LILRB4: variants seen among roughly 807,000 people sequenced by gnomAD.
LILRB4 encodes the protein leukocyte immunoglobulin-like receptor subfamily B member 4.
A neutral mutation model predicts 55.2 loss-of-function variants in LILRB4; 49 were observed. The observed-to-expected ratio is 0.89, with a 90% CI of 0.71 to 1.13. LILRB4 has a LOEUF of 1.13. Among genes scored for constraint, LILRB4 ranks in the 50% most tolerant of loss-of-function variants. The pLI is 0.00. For synonymous variants in LILRB4, 229 were observed against 213.8 expected, an observed-to-expected ratio of 1.07 and a Z score of -0.62; for missense variants, 590 against 555.2, an observed-to-expected ratio of 1.06 and a Z score of -0.63.
intron 1 of LILRB4, 30 bp from the exon 2 acceptor site, chr19:54,663,502 G>C: frequency 6.2e-7 from 1 of 1,611,198 alleles, no homozygotes; most frequent in Non-Finnish European, 8.5e-7. Flanking sequence ...GGCTTCCGGG[G>C]CAAATCCCTC....
Position 54,663,082 on chromosome 19 carries a change from G to A in LILRB4, c.34+15G>A, listed in dbSNP as rs780765308. 6 of 1,606,598 alleles carry A rather than the reference G, an allele frequency of 3.7e-6. No individual in the cohort carries two copies. Among genetic ancestry groups the A allele is most frequent in the African/African-American group, 2.7e-5 (2 of 74,650 alleles). ...GCTCTGCCTCGGTGAGATTTAAAGAGGGGGAGGGGAGACCCGAGTCTTGGA... is the reference window on the plus strand; with the variant it reads ...GCTCTGCCTCGGTGAGATTTAAAGAAGGGGAGGGGAGACCCGAGTCTTGGA... On this transcript the variant is annotated intron_variant, in intron 1 of 11. Transcript: ENST00000430952.
chr19:54,664,787 C>G lies in LILRB4; in HGVS notation c.656-12C>G. On this transcript the variant is annotated splice_polypyrimidine_tract_variant and intron_variant, in intron 4 of 11. Coordinates refer to ENST00000430952, the Ensembl canonical transcript of LILRB4. ...CCCCAGACTCTCACCCTCCTCTTGT[C>G]CTTCTACCCAGGATCCTTGGAGGGT... 1 of 1,566,296 alleles carries G rather than the reference C, an allele frequency of 6.4e-7. No homozygotes were observed. Among genetic ancestry groups the G allele is most frequent in the Non-Finnish European group, 8.7e-7 (1 of 1,155,606 alleles).
chr19:54,667,098 G>C (rs145490926), intron 10 of LILRB4: 34,181 of 525,178 alleles, frequency 0.065, 143 homozygotes, highest in African/African-American at 0.24. Context: ...CACTGTGGAT[G>C]GGGCTCCCCA....
chr19:54,664,417 T>A (rs1213967139), exon 4 of LILRB4: 3 of 1,608,616 alleles, frequency 1.9e-6, no homozygotes, highest in African/African-American at 1.3e-5. Context: ...TACAGGTGCT[T>A]CAGCTCACAC....
In LILRB4 at chr19:54,665,010, C is replaced by T. The variant is rs1568643161; in HGVS notation, c.707-120C>T. 2.1e-6 allele frequency: 3 copies of T among 1,411,414 alleles called. No individual in the cohort carries two copies. Among genetic ancestry groups the T allele is most frequent in the Non-Finnish European group, 3.0e-6 (3 of 1,007,174 alleles). 87.4% of individuals were successfully genotyped at this position (1,411,414 alleles called of 1,614,324 possible). The stretch of plus-strand genomic sequence containing the variant: ...TGGGAGGCACCACAGGCTCCCAAGG[C>T]CCTGAGGCTGGGCTGGTGAGGGGTG... On this transcript the variant is annotated intron_variant, in intron 5 of 11. Coordinates refer to ENST00000430952, the Ensembl canonical transcript of LILRB4. This position sits in a 1 kb window ranked among gnomAD's most constrained non-coding sequence, Gnocchi z 5.5.
Position 54,667,051 on chromosome 19 carries a change from C to T in LILRB4, c.1041+302C>T, listed in dbSNP as rs555918389. 1.1e-3 allele frequency: 700 copies of T among 653,032 alleles called. 11 individuals are homozygous for T. The highest frequency in any genetic ancestry group is 0.01 in the South Asian group (674 of 65,606). The allele number at this position is 653,032 out of a possible 1,614,324, so 40.5% of individuals were successfully genotyped here. Reference sequence around the variant, plus strand: ...AACCACTCCAGTCCCCTGGGCTCCCCTTCATTCATTCATCTAGTGAGTGTT... The same window carrying T: ...AACCACTCCAGTCCCCTGGGCTCCCTTTCATTCATTCATCTAGTGAGTGTT... On this transcript the variant is annotated intron_variant, in intron 10 of 11. Transcript: ENST00000430952.
At position 54,665,616 on chromosome 19, in the gene LILRB4, G is replaced by C. The variant is rs1339639842; in HGVS notation, c.758-199G>C. ...TGCCGCTTCCTGGCTGGAGGGGTCT[G>C]GGGCAGGCGATTCCCCTCTCTGAGC... On this transcript the variant is annotated intron_variant, in intron 6 of 11. Transcript: ENST00000430952. This position sits in a 1 kb window ranked among gnomAD's most constrained non-coding sequence, Gnocchi z 5.5. Among the ~76,000 whole-genome samples the C allele has an allele frequency of 6.6e-6, 1 of 152,154 alleles. No homozygotes were observed. Among genetic ancestry groups the C allele is most frequent in the African/African-American group, 2.4e-5 (1 of 41,440 alleles).
In LILRB4 at chr19:54,665,115, C is replaced by T. The variant is rs764908194; in HGVS notation, c.707-15C>T. On this transcript the variant is annotated splice_polypyrimidine_tract_variant and intron_variant, in intron 5 of 11. Transcript: ENST00000430952. The surrounding 1 kb of genome is among the most constrained non-coding windows in gnomAD (Gnocchi z 5.5). ...GCAGGGCAGCCCCAGCCCTCACATC[C>T]CTGTTCTAACCCAGCAGGCCCTGAG... 5 of 1,609,804 alleles carry T rather than the reference C, an allele frequency of 3.1e-6. No homozygotes were observed. In the South Asian group the frequency reaches 5.5e-5, roughly 18 times the overall value.
chr19:54,668,153 C>T (rs775775382), exon 12 of LILRB4: 119 of 974,342 alleles, frequency 1.2e-4, no homozygotes, highest in Non-Finnish European at 1.8e-4. Flanking sequence ...ATTCCGGGAA[C>T]GTTGGGAGTC....
exon 12 of LILRB4, chr19:54,668,031 C>A: frequency 6.2e-7 from 1 of 1,613,870 alleles, no homozygotes; most frequent in Non-Finnish European, 8.5e-7. Context: ...CCAGGGGGGA[C>A]CCAGACCCCA....
At position 54,666,402 on chromosome 19, in the gene LILRB4, C is replaced by T. The variant is rs755187935; in HGVS notation, c.954C>T (p.Ser318=). The change falls in exon 9 of 12, where the codon TCC becomes TCT. Residue 318 remains serine, a synonymous_variant. Transcript: ENST00000430952. The surrounding 1 kb of genome is among the most constrained non-coding windows in gnomAD (Gnocchi z 4.8). ...ACACTCCCGTATCCTCCCCCAGGTC[C>T]AGCCCAGCTGCTGACGTCCAGGGAG... The T allele has an allele frequency of 1.9e-6, 3 of 1,614,136 alleles. 1 individual carries two copies. In the East Asian group the frequency reaches 6.7e-5, roughly 36 times the overall value.
Position 54,665,122 on chromosome 19 carries a change from T to A in LILRB4, c.707-8T>A. 1 of 1,609,754 alleles carries A rather than the reference T, an allele frequency of 6.2e-7. No homozygotes were observed. Among genetic ancestry groups the A allele is most frequent in the Middle Eastern group, 1.7e-4 (1 of 5,842 alleles). ...AGCCCCAGCCCTCACATCCCTGTTC[T>A]AACCCAGCAGGCCCTGAGGACCAGC... On this transcript the variant is annotated splice_polypyrimidine_tract_variant and splice_region_variant and intron_variant, in intron 5 of 11. Coordinates refer to ENST00000430952, the Ensembl canonical transcript of LILRB4. The surrounding 1 kb of genome is among the most constrained non-coding windows in gnomAD (Gnocchi z 5.5).
chr19:54,663,629 G>A, intron 2 of LILRB4, 62 bp downstream of exon 2: 1 of 1,612,292 alleles, frequency 6.2e-7, no homozygotes, highest in Admixed American at 1.7e-5. Context: ...GCCACCCATG[G>A]GCAGCTGGGG....
chr19:54,668,134 CA>C (rs2065382737), exon 12 of LILRB4: 5 of 1,208,830 alleles, frequency 4.1e-6, no homozygotes, highest in African/African-American at 1.5e-5. Flanking sequence ...TGACACAGAC[CA>C]CTAGAAGATT....
At position 54,665,317 on chromosome 19, in the gene LILRB4, G is replaced by A; in HGVS notation, c.757+137G>A. On this transcript the variant is annotated intron_variant, in intron 6 of 11. Transcript: ENST00000430952. This position sits in a 1 kb window ranked among gnomAD's most constrained non-coding sequence, Gnocchi z 5.5. ...TGCATGGGCCTCAGTTTCTCCAAGTGTAAAGGAGAGAGGCCTGCGGGTGGG... is the reference window on the plus strand; with the variant it reads ...TGCATGGGCCTCAGTTTCTCCAAGTATAAAGGAGAGAGGCCTGCGGGTGGG... 7.7e-7 allele frequency: 1 copy of A among 1,305,432 alleles called. No homozygotes were observed. Among genetic ancestry groups the A allele is most frequent in the South Asian group, 1.4e-5 (1 of 72,442 alleles). 80.9% of individuals were successfully genotyped at this position (1,305,432 alleles called of 1,614,324 possible). A position where few individuals can be genotyped will look rare whatever the true frequency, so the allele number is the denominator to read the frequency against.
In LILRB4 at chr19:54,663,081, A is replaced by G. The variant is rs1568636875; in HGVS notation, c.34+14A>G. The stretch of plus-strand genomic sequence containing the variant: ...TGCTCTGCCTCGGTGAGATTTAAAG[A>G]GGGGGAGGGGAGACCCGAGTCTTGG... On this transcript the variant is annotated intron_variant, in intron 1 of 11. Coordinates refer to ENST00000430952, the Ensembl canonical transcript of LILRB4. The G allele has an allele frequency of 3.1e-6, 5 of 1,605,716 alleles. No individual in the cohort carries two copies. The highest frequency in any genetic ancestry group is 3.4e-5 in the Admixed American group (2 of 58,888).
exon 4 of LILRB4, chr19:54,664,403 G>T (rs374286374): frequency 4.3e-6 from 7 of 1,612,494 alleles, no homozygotes; most frequent in African/African-American, 2.7e-5. Flanking sequence ...TGCACGGGGG[G>T]ACCTACAGGT....
At position 54,665,247 on chromosome 19, in the gene LILRB4, G is replaced by A. The variant is rs1423020390; in HGVS notation, c.757+67G>A. 113 of 1,506,876 alleles carry A rather than the reference G, an allele frequency of 7.5e-5. No individual in the cohort carries two copies. The highest frequency in any genetic ancestry group is 9.7e-5 in the Non-Finnish European group (108 of 1,113,062). The allele number at this position is 1,506,876 out of a possible 1,614,324, so 93.3% of individuals were successfully genotyped here. ...GGAGCCAAGGGTGGGTTCTGTCCTA[G>A]GTTAAGGCTCCTCTGGAGGTGGTGA... On this transcript the variant is annotated intron_variant, in intron 6 of 11. Transcript: ENST00000430952. The surrounding 1 kb of genome is among the most constrained non-coding windows in gnomAD (Gnocchi z 5.5).
intron 4 of LILRB4, 37 bp downstream of exon 4, chr19:54,664,522 G>A (rs376583763): frequency 1.1e-4 from 167 of 1,560,000 alleles, no homozygotes; most frequent in Non-Finnish European, 3.5e-6. Context: ...GAGCTCAGTG[G>A]CTCCGTTCAT....
Sources: gnomAD v4.1 joint callset for allele counts (sites outside exome capture counted in the v4.1 genomes callset) on GRCh38, gnomAD v4.1.1 for gene constraint, Gnocchi (gnomAD v3.1) non-coding constraint, MANE v1.5 for transcripts, NCBI Gene and HGNC (gene_info 2026-07-23, HGNC 2026-07-21) for gene names.